COL21A1: variants seen among roughly 807,000 people sequenced by gnomAD.
COL21A1 encodes the protein collagen alpha-1(XXI) chain.
Under a neutral mutation model 137.9 loss-of-function variants are expected in COL21A1, and 149 were observed. The observed-to-expected ratio is 1.08, with a 90% CI of 0.95 to 1.24. The LOEUF is 1.24. Ranked by LOEUF, COL21A1 falls within the 50% of genes most tolerant of loss-of-function variation. COL21A1 has a pLI of 0.00. For synonymous variants in COL21A1, 456 were observed against 391.5 expected (o/e 1.16, Z -1.95); for missense variants, 1,167 against 1,158.4 (o/e 1.01, Z -0.11).
At chr6:56,289,250 G>A (rs1273074788) in intron 1 of COL21A1, among the ~76,000 whole-genome samples, 1 of 152,160 alleles carries the variant, frequency 6.6e-6, no homozygotes, top group African/African-American at 2.4e-5. Context: ...AGAAAGTTTC[G>A]ATAAACATGT....
chr6:56,326,324 T>C (rs981189884), intron 1 of COL21A1, among the ~76,000 whole-genome samples: 4 of 151,678 alleles, frequency 2.6e-5, no homozygotes, highest in Admixed American at 6.6e-5. Flanking sequence ...AAATTTACTA[T>C]ATTAAAAATG....
chr6:56,294,573 T>A (rs1293509097), intron 1 of COL21A1, among the ~76,000 whole-genome samples: 1 of 152,086 alleles, frequency 6.6e-6, no homozygotes, highest in Non-Finnish European at 1.5e-5. Context: ...GCACTACTGA[T>A]ACGGCAATAC....
intron 17 of COL21A1, among the ~76,000 whole-genome samples, chr6:56,095,488 G>A (rs913514891): frequency 1.3e-5 from 2 of 152,150 alleles, no homozygotes; most frequent in South Asian, 4.1e-4. Context: ...AAAGTTTTAA[G>A]TAGGGAAGTA....
chr6:56,183,076 CT>C (rs553525931), intron 1 of COL21A1, among the ~76,000 whole-genome samples: 6 of 152,110 alleles, frequency 3.9e-5, no homozygotes, highest in Non-Finnish European at 8.8e-5. Context: ...TAAGATACAG[CT>C]GATGGAATTT....
At position 56,197,477 on chromosome 6, in the gene COL21A1, A is replaced by G. The variant is rs571712274; in HGVS notation, c.-38-14821T>C. ...ACCATATATCTGATAAAGAATTAGTATCTAAAATACATAAGAAACCCACAC... is the reference window on the plus strand; with the variant it reads ...ACCATATATCTGATAAAGAATTAGTGTCTAAAATACATAAGAAACCCACAC... On this transcript the variant is annotated intron_variant, in intron 1 of 29. Transcript: ENST00000244728. Among the ~76,000 whole-genome samples the G allele has an allele frequency of 2.0e-4, 31 of 152,250 alleles. No individual in the cohort carries two copies. The South Asian group carries it at 6.0e-3, about 29-fold the overall frequency.
intron 1 of COL21A1, among the ~76,000 whole-genome samples, chr6:56,238,310 A>T (rs1009757174): frequency 2.6e-5 from 4 of 151,966 alleles, no homozygotes; most frequent in African/African-American, 9.7e-5. Flanking sequence ...AAGGCTGAAT[A>T]AATATTTGTT....
chr6:56,128,544 C>T (rs1022699976), intron 12 of COL21A1, among the ~76,000 whole-genome samples: 1 of 152,174 alleles, frequency 6.6e-6, no homozygotes, highest in African/African-American at 2.4e-5. Context: ...ATACAAGGAT[C>T]TTCTATGTCT....
intron 1 of COL21A1, chr6:56,276,898 C>G: frequency 2.1e-6 from 1 of 472,562 alleles, no homozygotes; most frequent in Non-Finnish European, 3.8e-6. Flanking sequence ...AGCTCTGCCT[C>G]CCGGGTTCAC....
rs78809340 is a variant in COL21A1, at chr6:56,376,157, T to C, written c.-39+17814A>G. 3.4e-3 allele frequency among the ~76,000 whole-genome samples: 517 copies of C among 152,258 alleles called. 21 individuals carry two copies. The East Asian group carries it at 0.087, about 26-fold the overall frequency. On this transcript the variant is annotated intron_variant, in intron 1 of 28. Transcript: ENST00000370819. Reference sequence around the variant, plus strand: ...CCCAAGCCACAGGAGTAGAGGGTTTTAAGAGGAAAAAACTAGCTAGCTAAC... The same window carrying C: ...CCCAAGCCACAGGAGTAGAGGGTTTCAAGAGGAAAAAACTAGCTAGCTAAC...
chr6:56,284,683 C>T (rs1763862654), intron 1 of COL21A1, among the ~76,000 whole-genome samples: 2 of 152,144 alleles, frequency 1.3e-5, no homozygotes, highest in South Asian at 2.1e-4. Context: ...TCTTTCTTAG[C>T]TCCCACATGG....
intron 17 of COL21A1, among the ~76,000 whole-genome samples, chr6:56,082,083 T>C (rs1767826275): frequency 6.6e-6 from 1 of 151,914 alleles, no homozygotes; most frequent in Non-Finnish European, 1.5e-5. Context: ...AATGTTACGT[T>C]GCAAAAGCAT....
chr6:56,096,930 A>AT (rs997472078), intron 17 of COL21A1, among the ~76,000 whole-genome samples: 2 of 151,862 alleles, frequency 1.3e-5, no homozygotes, highest in African/African-American at 4.8e-5. Context: ...AACTTTATGG[A>AT]TTTTTTTTCT....
intron 1 of COL21A1, among the ~76,000 whole-genome samples, chr6:56,369,247 T>C (rs1035480530): frequency 7.2e-5 from 11 of 151,898 alleles, no homozygotes; most frequent in African/African-American, 2.7e-4. Flanking sequence ...TAGAAGATAA[T>C]GAAGGCATAC....
chr6:56,201,245 T>G (rs1403037858), intron 1 of COL21A1, among the ~76,000 whole-genome samples: 1 of 152,184 alleles, frequency 6.6e-6, no homozygotes, highest in African/African-American at 2.4e-5. Context: ...TTTCTCCCAT[T>G]CTGTAGGTTG....
intron 1 of COL21A1, among the ~76,000 whole-genome samples, chr6:56,280,595 A>T (rs1316499417): frequency 4.6e-5 from 7 of 152,222 alleles, no homozygotes. Flanking sequence ...AGGAAGAAAG[A>T]TGGAAACACT....
chr6:56,169,072 T>C (rs1776826509), intron 5 of COL21A1, among the ~76,000 whole-genome samples: 1 of 152,050 alleles, frequency 6.6e-6, no homozygotes. Context: ...GTTTCTTTCT[T>C]TGAGTTGCAG....
chr6:56,162,480 C>T (rs896569411), intron 9 of COL21A1, among the ~76,000 whole-genome samples: 5 of 152,142 alleles, frequency 3.3e-5, no homozygotes, highest in Admixed American at 6.5e-5. Flanking sequence ...CTAAAAATTT[C>T]GTGTAGAAAG....
chr6:56,080,386 C>CA (rs1582271050), intron 17 of COL21A1, among the ~76,000 whole-genome samples: 1 of 151,650 alleles, frequency 6.6e-6, no homozygotes, highest in African/African-American at 2.4e-5. Flanking sequence ...AATGTTGACA[C>CA]AAAAAATTGT....
chr6:56,152,301 T>G (rs1301095646), intron 10 of COL21A1, among the ~76,000 whole-genome samples: 1 of 152,180 alleles, frequency 6.6e-6, no homozygotes, highest in Non-Finnish European at 1.5e-5. Context: ...TAAAGACTTT[T>G]GTGTTTATAT....
Sources: allele counts gnomAD v4.1 joint callset (sites outside exome capture counted in the v4.1 genomes callset), GRCh38; gene constraint gnomAD v4.1.1; transcripts MANE v1.5; gene names NCBI Gene and HGNC (gene_info 2026-07-23, HGNC 2026-07-21).